The following TBXAS1 variants were observed in gnomAD, a reference collection of about 807,000 sequenced individuals.
TBXAS1 encodes thromboxane A synthase 1, also known as thromboxane-A synthase.
Under a neutral mutation model 60.7 loss-of-function variants are expected in TBXAS1, and 48 were observed. The observed-to-expected ratio is 0.79, with a 90% CI of 0.63 to 1.01. TBXAS1 has a LOEUF of 1.01. TBXAS1 is among the 50% of genes least tolerant of loss of function. TBXAS1 has a pLI of 0.00. For missense variants in TBXAS1, 685 were observed against 686.3 expected (o/e 1.00, Z 0.02); for synonymous variants, 287 against 269.7 (o/e 1.06, Z -0.63).
rs11773858 is a variant in TBXAS1, at chr7:139,805,712, T to A, written c.-80+18286T>A. Among the ~76,000 whole-genome samples the A allele has an allele frequency of 3.1e-3, 137 of 44,354 alleles. 4 individuals carry two copies. Among genetic ancestry groups the A allele is most frequent in the African/African-American group, 9.9e-3 (123 of 12,374 alleles). The allele number at this position is 44,354 out of a possible 152,430, so 29.1% of individuals were successfully genotyped here. A position where few individuals can be genotyped will look rare whatever the true frequency, so the allele number is the denominator to read the frequency against. ...TTTCTTTCTTTCTTTCTTTCTTTCT[T>A]TCTCTCTCTCTCTCTCTCTTTCTTT... On this transcript the variant is annotated intron_variant, in intron 4 of 16. Transcript: ENST00000336425.
At chr7:139,986,016 T>C (rs1184263993) in intron 9 of TBXAS1, among the ~76,000 whole-genome samples, 1 of 152,224 alleles carries the variant, frequency 6.6e-6, no homozygotes, top group African/African-American at 2.4e-5. Flanking sequence ...TCTGTGAGCA[T>C]CTTCAGGGAG....
intron 8 of TBXAS1, among the ~76,000 whole-genome samples, chr7:139,961,671 C>T (rs1409245617): frequency 1.3e-5 from 2 of 152,206 alleles, no homozygotes; most frequent in African/African-American, 4.8e-5. Context: ...ATGGCCTCTG[C>T]CTTGCTCAGG....
chr7:139,950,763 C>T (rs71550696), intron 5 of TBXAS1, among the ~76,000 whole-genome samples: 6 of 95,740 alleles, frequency 6.3e-5, no homozygotes, highest in South Asian at 4.3e-4. Flanking sequence ...CCCCCTCGCC[C>T]TCCATCTACG....
intron 9 of TBXAS1, among the ~76,000 whole-genome samples, chr7:139,987,253 T>C (rs1415035692): frequency 6.6e-6 from 1 of 152,156 alleles, no homozygotes; most frequent in Non-Finnish European, 1.5e-5. Context: ...TTGAGAACCA[T>C]TGGGAATAGA....
intron 1 of TBXAS1, among the ~76,000 whole-genome samples, chr7:139,861,248 C>T (rs1252842713): frequency 6.6e-6 from 1 of 151,492 alleles, no homozygotes; most frequent in African/African-American, 2.4e-5. Context: ...ACTTACTATA[C>T]ATATAGACAG....
At chr7:139,996,602 A>G (rs1426561687) in intron 9 of TBXAS1, among the ~76,000 whole-genome samples, 1 of 152,168 alleles carries the variant, frequency 6.6e-6, no homozygotes, top group Non-Finnish European at 1.5e-5. Flanking sequence ...TCTCTCAGCC[A>G]CTTAGGAATG....
rs559326751 is a variant in TBXAS1, at chr7:139,799,495, G to T, written c.-80+12069G>T. ...ATCTGCCTGCCTCGGCCTCCCAAGT[G>T]CTAGGACTACACCATGCCTGGCCTA... On this transcript the variant is annotated intron_variant, in intron 4 of 16. Transcript: ENST00000336425. Among the ~76,000 whole-genome samples, 41 of 152,166 alleles carry T rather than the reference G, an allele frequency of 2.7e-4. No homozygotes were observed. In the South Asian group the frequency reaches 8.5e-3, roughly 32 times the overall value.
rs987725361 is a variant in TBXAS1 at position 139,936,371 on chromosome 7, A to G, written c.450+64A>G. On this transcript the variant is annotated intron_variant, in intron 5 of 12. Coordinates refer to ENST00000448866, the MANE Select transcript of TBXAS1 (RefSeq NM_001061.7). ...GCAGGTTTCTTCTCTCCAAATCGTGATGAGAGCCAGTTCATGTTGCATCAC... is the reference window on the plus strand; with the variant it reads ...GCAGGTTTCTTCTCTCCAAATCGTGGTGAGAGCCAGTTCATGTTGCATCAC... The G allele has an allele frequency of 1.5e-5, 23 of 1,510,644 alleles. 1 individual carries two copies. In the South Asian group the frequency reaches 2.4e-4, roughly 15 times the overall value. 93.6% of individuals were successfully genotyped at this position (1,510,644 alleles called of 1,614,324 possible).
Position 140,015,823 on chromosome 7 carries a change from G to A in TBXAS1, c.1327G>A (p.Glu443Lys), listed in dbSNP as rs879069362. 2 of 1,613,816 alleles carry A rather than the reference G, an allele frequency of 1.2e-6. No homozygotes were observed. The highest frequency in any genetic ancestry group is 2.7e-5 in the African/African-American group (2 of 75,038). Residue 443 changes from glutamate to lysine, a missense_variant, in exon 11 of 13, where the codon GAG (glutamate) becomes AAG (lysine). Physicochemically the swap from Glu to Lys is moderately conservative, Grantham distance 56 (BLOSUM62 1). Coordinates refer to ENST00000448866, the MANE Select transcript of TBXAS1 (RefSeq NM_001061.7). ...MAVGALHHDP[E>K]HWPSPETFNP... ...CGTGGGTGCCCTGCACCATGACCCT[G>A]AGCACTGGCCAAGCCCGGAGACCTT...
intron 3 of TBXAS1, among the ~76,000 whole-genome samples, chr7:139,905,029 TTC>T (rs1804914758): frequency 1.2e-5 from 1 of 84,698 alleles, no homozygotes; most frequent in African/African-American, 6.1e-5. Context: ...CTTTCTTTCT[TTC>T]TTTCTTTCTT....
At chr7:139,992,925 C>T (rs1261743733) in intron 9 of TBXAS1, among the ~76,000 whole-genome samples, 1 of 152,198 alleles carries the variant, frequency 6.6e-6, no homozygotes, top group African/African-American at 2.4e-5. Context: ...AATACCAGCA[C>T]TTTGGGAGGC....
chr7:139,817,128 T>C (rs1345730378), intron 4 of TBXAS1, among the ~76,000 whole-genome samples: 2 of 152,058 alleles, frequency 1.3e-5, no homozygotes, highest in African/African-American at 4.8e-5. Flanking sequence ...GTCCATTTTC[T>C]CACTAGTCTC....
intron 5 of TBXAS1, among the ~76,000 whole-genome samples, chr7:139,949,033 G>A (rs1443637963): frequency 4.6e-5 from 7 of 152,200 alleles, no homozygotes; most frequent in South Asian, 2.1e-4. Context: ...CATTCAGTTC[G>A]ACAGACAGCA....
intron 9 of TBXAS1, among the ~76,000 whole-genome samples, chr7:139,972,988 G>A (rs1012855580): frequency 4.6e-5 from 7 of 152,072 alleles, no homozygotes; most frequent in East Asian, 3.9e-4. Context: ...GAGTTACTGC[G>A]CCCAGCGAGA....
chr7:139,923,908 G>C (rs1806685324), intron 4 of TBXAS1, among the ~76,000 whole-genome samples: 1 of 152,026 alleles, frequency 6.6e-6, no homozygotes, highest in South Asian at 2.1e-4. Flanking sequence ...GTCCTTCTGT[G>C]CCTGGCTTAT....
At chr7:139,878,205 TAGAAAGAGATAGAG>T (rs1015904268) in intron 3 of TBXAS1, among the ~76,000 whole-genome samples, 9 of 105,182 alleles carry the variant, frequency 8.6e-5, no homozygotes, top group Non-Finnish European at 1.8e-4. Context: ...GAGAAAGAGA[TAGAAAGAGATAGAG>T]AGAGATAGAA....
chr7:139,909,092 A>G (rs1213283674), intron 3 of TBXAS1, among the ~76,000 whole-genome samples: 1 of 152,114 alleles, frequency 6.6e-6, no homozygotes, highest in Non-Finnish European at 1.5e-5. Context: ...GGCTGTTTTC[A>G]AGATGTTTTT....
chr7:139,962,787 T>C (rs41726), intron 9 of TBXAS1: 145,968 of 170,052 alleles, frequency 0.86, 62,769 homozygotes, highest in Non-Finnish European at 0.88. Flanking sequence ...CTCTTGATCG[T>C]TTATAGCAGA....
At chr7:139,836,040 A>G (rs1013434321) in intron 1 of TBXAS1, among the ~76,000 whole-genome samples, 4 of 13,986 alleles carry the variant, frequency 2.9e-4, no homozygotes, top group African/African-American at 9.6e-4. Flanking sequence ...CTGCAAAAAT[A>G]AATAAATAAA....
Sources: gnomAD v4.1 joint callset for allele counts (sites outside exome capture counted in the v4.1 genomes callset) on GRCh38, gnomAD v4.1.1 for gene constraint, MANE v1.5 for transcripts, NCBI Gene and HGNC (gene_info 2026-07-23, HGNC 2026-07-21) for gene names.